Variants in SLIT2 observed in about 807,000 individuals in gnomAD.
The protein encoded by SLIT2 is slit guidance ligand 2, also known as slit homolog 2 protein.
In SLIT2, 41 loss-of-function variants were observed where a neutral mutation model predicts 185.7. The observed-to-expected ratio is 0.22, with a 90% CI of 0.17 to 0.29. The LOEUF (loss-of-function observed/expected upper bound fraction) is 0.29. SLIT2 is among the 10% of genes least tolerant of loss of function. SLIT2 has a pLI of 1.00. For synonymous variants in SLIT2, 693 were observed against 680.2 expected, an observed-to-expected ratio of 1.02 and a Z score of -0.29; for missense variants, 1,571 against 1,909.0, an observed-to-expected ratio of 0.82 and a Z score of 3.30.
chr4:20,453,483 A>G (rs1383117328), intron 4 of SLIT2, among the ~76,000 whole-genome samples: 1 of 152,174 alleles, frequency 6.6e-6, no homozygotes, highest in Non-Finnish European at 1.5e-5. Context: ...ATTGAATGTT[A>G]TTAATATGTG....
In SLIT2 at chr4:20,548,610, G is replaced by T. The variant is rs10428394; in HGVS notation, c.2417+51G>T. The stretch of plus-strand genomic sequence containing the variant: ...TATTCATTAATTCAATGGACAAAAG[G>T]CAGTCTCTAGATGCTGGACATTGCT... On this transcript the variant is annotated intron_variant, in intron 23 of 36. Transcript: ENST00000504154. The T allele has an allele frequency of 7.5e-5, 79 of 1,049,690 alleles. No individual in the cohort carries two copies. The Middle Eastern group carries it at 1.2e-3, about 16-fold the overall frequency. The allele number at this position is 1,049,690 out of a possible 1,614,324, so 65.0% of individuals were successfully genotyped here. A position where few individuals can be genotyped will look rare whatever the true frequency, so the allele number is the denominator to read the frequency against.
At chr4:20,294,842 G>A (rs943901181) in intron 4 of SLIT2, among the ~76,000 whole-genome samples, 2 of 152,052 alleles carry the variant, frequency 1.3e-5, no homozygotes, top group Admixed American at 6.6e-5. Context: ...TAGCAACATG[G>A]GCAACCTGAA....
intron 4 of SLIT2, among the ~76,000 whole-genome samples, chr4:20,400,724 C>T (rs190567679): frequency 3.8e-4 from 58 of 151,504 alleles, no homozygotes; most frequent in South Asian, 6.2e-4. Context: ...CTAAGGAATG[C>T]GGGCATTTAA....
At chr4:20,423,177 G>A (rs1728295377) in intron 4 of SLIT2, among the ~76,000 whole-genome samples, 1 of 152,000 alleles carries the variant, frequency 6.6e-6, no homozygotes, top group African/African-American at 2.4e-5. Flanking sequence ...TCCACGTACA[G>A]ACATAGGGGA....
rs1269453321 is a variant in SLIT2, at chr4:20,528,575, G to A, written c.1463-374G>A. Among the ~76,000 whole-genome samples the A allele has an allele frequency of 6.6e-6, 1 of 151,942 alleles. No homozygotes were observed. Among genetic ancestry groups the A allele is most frequent in the Non-Finnish European group, 1.5e-5 (1 of 67,992 alleles). The stretch of plus-strand genomic sequence containing the variant: ...AAGCCCTAATTTACAATGAGATATA[G>A]GATCATGTTTATTACTGGATATATT... On this transcript the variant is annotated intron_variant, in intron 15 of 36. Coordinates refer to ENST00000504154, the MANE Select transcript of SLIT2 (RefSeq NM_004787.4). This position sits in a 1 kb window ranked among gnomAD's most constrained non-coding sequence, Gnocchi z 4.2.
chr4:20,293,623 T>G (rs919507868), intron 4 of SLIT2, among the ~76,000 whole-genome samples: 7 of 152,208 alleles, frequency 4.6e-5, no homozygotes, highest in Admixed American at 3.3e-4. Flanking sequence ...ATTCTTAGCT[T>G]TCTTCCTGAA....
At chr4:20,473,100 G>A (rs949357584) in intron 5 of SLIT2, among the ~76,000 whole-genome samples, 4 of 151,778 alleles carry the variant, frequency 2.6e-5, no homozygotes, top group African/African-American at 7.3e-5. Flanking sequence ...ACTATGTGAG[G>A]TAAACCACAC....
chr4:20,398,703 C>A (rs962422599), intron 4 of SLIT2, among the ~76,000 whole-genome samples: 3 of 151,552 alleles, frequency 2.0e-5, no homozygotes, highest in Non-Finnish European at 4.4e-5. Context: ...TATATTGATT[C>A]TAGGTTTTAA....
At chr4:20,573,568 A>G (rs927154118) in intron 29 of SLIT2, among the ~76,000 whole-genome samples, 1 of 152,160 alleles carries the variant, frequency 6.6e-6, no homozygotes. Context: ...CTACTTGTCT[A>G]TATTCTTTCA....
intron 4 of SLIT2, among the ~76,000 whole-genome samples, chr4:20,272,573 G>A (rs1021307041): frequency 2.0e-5 from 3 of 152,056 alleles, no homozygotes; most frequent in African/African-American, 7.2e-5. Context: ...CTACTAATCT[G>A]GACTCATTAA....
chr4:20,345,273 T>C (rs1721290745), intron 4 of SLIT2, among the ~76,000 whole-genome samples: 1 of 152,128 alleles, frequency 6.6e-6, no homozygotes, highest in Non-Finnish European at 1.5e-5. Context: ...CTCTTTAGTC[T>C]GTCTTGGTCT....
chr4:20,282,564 G>T (rs1714876855), intron 4 of SLIT2, among the ~76,000 whole-genome samples: 1 of 152,260 alleles, frequency 6.6e-6, no homozygotes, highest in Non-Finnish European at 1.5e-5. Context: ...CCTCCAGTGT[G>T]CACTCCAGTG....
At chr4:20,318,205 A>G (rs1718760016) in intron 4 of SLIT2, among the ~76,000 whole-genome samples, 1 of 152,158 alleles carries the variant, frequency 6.6e-6, no homozygotes, top group Non-Finnish European at 1.5e-5. Flanking sequence ...GATGCAATGT[A>G]ATCCACTTTG....
At chr4:20,518,593 T>C (rs1307636539) in intron 11 of SLIT2, among the ~76,000 whole-genome samples, 2 of 9,286 alleles carry the variant, frequency 2.2e-4, no homozygotes, top group African/African-American at 4.4e-4. Context: ...ATATATTTTT[T>C]TTTTTTTTTT....
chr4:20,558,856 A>G (rs1298562493), intron 26 of SLIT2, among the ~76,000 whole-genome samples: 3 of 152,058 alleles, frequency 2.0e-5, no homozygotes, highest in Non-Finnish European at 4.4e-5. Context: ...GTTACATAGG[A>G]TTATAGAGCA....
At chr4:20,294,185 TA>T (rs1306571707) in intron 4 of SLIT2, among the ~76,000 whole-genome samples, 2 of 151,876 alleles carry the variant, frequency 1.3e-5, no homozygotes, top group Non-Finnish European at 2.9e-5. Context: ...CTGTCTCTAC[TA>T]AAATTGCAAA....
intron 29 of SLIT2, among the ~76,000 whole-genome samples, chr4:20,577,209 G>C (rs1726149407): frequency 6.6e-6 from 1 of 152,008 alleles, no homozygotes; most frequent in Non-Finnish European, 1.5e-5. Flanking sequence ...ATATAATATA[G>C]CTACTTTACT....
intron 4 of SLIT2, among the ~76,000 whole-genome samples, chr4:20,463,511 A>ATGTGTGTGTG (rs1713997010): frequency 1.2e-5 from 1 of 84,196 alleles, no homozygotes; most frequent in African/African-American, 4.3e-5. Flanking sequence ...GCGTATATCC[A>ATGTGTGTGTG]TATATGTGTG....
rs1018842574 is a variant in SLIT2, at chr4:20,252,041, A to G, written c.-1775A>G. ...GCGGAGGCGGAGGCAGCTGCGAGGC[A>G]TGGGAGCGCCGAAGCGCCCAGGCGC... is the stretch of plus-strand genomic sequence containing the variant. On this transcript the variant is annotated 5_prime_UTR_variant, in exon 1 of 37. The change abolishes an upstream ATG in the 5' untranslated region. Transcript: ENST00000504154. Among the ~76,000 whole-genome samples, 2 of 152,006 alleles carry G rather than the reference A, an allele frequency of 1.3e-5. No individual in the cohort carries two copies. Among genetic ancestry groups the G allele is most frequent in the African/African-American group, 4.8e-5 (2 of 41,420 alleles).
Sources: gnomAD v4.1 joint callset for allele counts (sites outside exome capture counted in the v4.1 genomes callset) on GRCh38, gnomAD v4.1.1 for gene constraint, Gnocchi (gnomAD v3.1) non-coding constraint, MANE v1.5 for transcripts, NCBI Gene and HGNC (gene_info 2026-07-23, HGNC 2026-07-21) for gene names.